The following PROKR1 variants were observed in gnomAD, a reference collection of about 807,000 sequenced individuals.
PROKR1 encodes the protein prokineticin receptor 1, also known as G protein-coupled receptor 73.
In PROKR1, 21 loss-of-function variants were observed where a neutral mutation model predicts 22.8. The ratio of observed to expected loss-of-function variants is 0.92; its 90% confidence interval spans 0.65 to 1.32. The LOEUF is 1.32. Among genes scored for constraint, PROKR1 ranks in the 40% most tolerant of loss-of-function variants. The pLI is 0.00. For missense variants in PROKR1, 548 were observed against 514.2 expected (o/e 1.07, Z -0.64); for synonymous variants, 193 against 207.5 (o/e 0.93, Z 0.60).
At chr2:68,654,630 C>CA (rs965976109) in intron 2 of PROKR1, among the ~76,000 whole-genome samples, 13 of 152,000 alleles carry the variant, frequency 8.6e-5, no homozygotes, top group African/African-American at 3.1e-4. Flanking sequence ...TCTACCTCTA[C>CA]AAAAAATAAA....
chr2:68,650,692 G>A (rs552154749), intron 2 of PROKR1, among the ~76,000 whole-genome samples: 15 of 152,176 alleles, frequency 9.9e-5, no homozygotes, highest in African/African-American at 3.1e-4. Flanking sequence ...AGAGTTGGGG[G>A]TAGGGTGGGA....
intron 2 of PROKR1, among the ~76,000 whole-genome samples, chr2:68,654,046 G>C (rs1673391256): frequency 6.6e-6 from 1 of 152,174 alleles, no homozygotes; most frequent in Non-Finnish European, 1.5e-5. Context: ...ACCTGAAAAT[G>C]ACACACATGG....
In PROKR1 at chr2:68,655,732, C is replaced by T. The variant is rs916019599; in HGVS notation, c.*156C>T. The T allele has an allele frequency of 1.5e-5, 11 of 732,064 alleles. No individual in the cohort carries two copies. The highest frequency in any genetic ancestry group is 2.5e-5 in the Non-Finnish European group (11 of 435,110). The allele number at this position is 732,064 out of a possible 1,614,324, so 45.3% of individuals were successfully genotyped here. A position where few individuals can be genotyped will look rare whatever the true frequency, so the allele number is the denominator to read the frequency against. On this transcript the variant is annotated 3_prime_UTR_variant, in exon 3 of 3. Coordinates refer to ENST00000303786, the MANE Select transcript of PROKR1 (RefSeq NM_138964.4). ...AATGTTTTCAAGGAGCTCAGAGTTT[C>T]TAAAATGCATGTGACCAGACACTAT...
In PROKR1 at chr2:68,646,291, C is replaced by T; in HGVS notation, c.470C>T (p.Ala157Val). The T allele has an allele frequency of 6.2e-7, 1 of 1,614,228 alleles. No homozygotes were observed. The highest frequency in any genetic ancestry group is 8.5e-7 in the Non-Finnish European group (1 of 1,180,052). ...TATGTCTCCACCAATGCCCTGCTGGCCATCGCCATTGACAGGTGAGTGCAG... is the reference window on the plus strand; with the variant it reads ...TATGTCTCCACCAATGCCCTGCTGGTCATCGCCATTGACAGGTGAGTGCAG... ...SLYVSTNALL[A>V]IAIDRYLAIV... The change falls in exon 2 of 3, where the codon GCC becomes GTC. Residue 157 changes from alanine to valine, a missense_variant. By Grantham distance (64) the Ala-to-Val change is moderately conservative. Transcript: ENST00000303786.
In PROKR1 at chr2:68,654,990, A is replaced by G. The variant is rs1253547939; in HGVS notation, c.596A>G (p.Tyr199Cys). The G allele has an allele frequency of 2.5e-6, 4 of 1,597,022 alleles. No homozygotes were observed. The highest frequency in any genetic ancestry group is 2.6e-6 in the Non-Finnish European group (3 of 1,173,542). ...ATCCTGATCGCCATCCCTTCCGCCT[A>G]CTTCACCACCGAGACGGTCCTCGTC... ...VSILIAIPSAYFTTETVLVIV... is the reference protein window; with the variant it reads ...VSILIAIPSACFTTETVLVIV... The change falls in exon 3 of 3, where the codon TAC (tyrosine) becomes TGC (cysteine). Residue 199 changes from tyrosine (Y) to cysteine (C), a missense_variant. Tyr to Cys is a radical substitution (Grantham distance 194). Coordinates refer to ENST00000303786, the MANE Select transcript of PROKR1 (RefSeq NM_138964.4).
chr2:68,646,554 T>C (rs531272255), intron 2 of PROKR1, among the ~76,000 whole-genome samples: 1 of 152,230 alleles, frequency 6.6e-6, no homozygotes, highest in Non-Finnish European at 1.5e-5. Context: ...TGATCTCCCT[T>C]GCTATGGATG....
At chr2:68,648,080 G>GT (rs1309278413) in intron 2 of PROKR1, among the ~76,000 whole-genome samples, 1 of 152,132 alleles carries the variant, frequency 6.6e-6, no homozygotes, top group East Asian at 1.9e-4. Context: ...ATTTCCTGAA[G>GT]TTTCATACTA....
intron 2 of PROKR1, among the ~76,000 whole-genome samples, chr2:68,651,554 G>A (rs1232339474): frequency 5.3e-5 from 8 of 152,168 alleles, no homozygotes. Context: ...CTCTTCTTCT[G>A]TCTTGATGAA....
In PROKR1 at chr2:68,655,935, C is replaced by T; in HGVS notation, c.*359C>T. 4 of 358,948 alleles carry T rather than the reference C, an allele frequency of 1.1e-5. No homozygotes were observed. Among genetic ancestry groups the T allele is most frequent in the South Asian group, 7.0e-5 (3 of 42,596 alleles). The allele number at this position is 358,948 out of a possible 1,614,324, so 22.2% of individuals were successfully genotyped here. On this transcript the variant is annotated 3_prime_UTR_variant, in exon 3 of 3. Transcript: ENST00000303786. ...GAACTGGAGTAGGTATCTAGGATTG[C>T]AGTACATGTGTTCGTAGTGTGAGAG... is the stretch of plus-strand genomic sequence containing the variant.
chr2:68,647,897 G>T (rs1037131027), intron 2 of PROKR1, among the ~76,000 whole-genome samples: 1 of 152,114 alleles, frequency 6.6e-6, no homozygotes, highest in Non-Finnish European at 1.5e-5. Flanking sequence ...CAAGGACCCC[G>T]CATGAACCCA....
Position 68,655,825 on chromosome 2 carries a change from A to G in PROKR1, c.*249A>G. On this transcript the variant is annotated 3_prime_UTR_variant, in exon 3 of 3. Transcript: ENST00000303786. ...GTACTGGTAAAACCTATATATGTTGATGACATTTAGTTGGCAAAATGAAAT... is the reference window on the plus strand; with the variant it reads ...GTACTGGTAAAACCTATATATGTTGGTGACATTTAGTTGGCAAAATGAAAT... 1 of 537,028 alleles carries G rather than the reference A, an allele frequency of 1.9e-6. No homozygotes were observed. The highest frequency in any genetic ancestry group is 2.1e-5 in the South Asian group (1 of 48,368). The allele number at this position is 537,028 out of a possible 1,614,324, so 33.3% of individuals were successfully genotyped here. A position where few individuals can be genotyped will look rare whatever the true frequency, so the allele number is the denominator to read the frequency against.
At chr2:68,645,235 A>G (rs2104178584) in intron 1 of PROKR1, among the ~76,000 whole-genome samples, 1 of 152,344 alleles carries the variant, frequency 6.6e-6, no homozygotes, top group East Asian at 1.9e-4. Flanking sequence ...AAGTCCAGCA[A>G]ATAGTGAGGA....
chr2:68,649,796 T>C (rs1044176078), intron 2 of PROKR1, among the ~76,000 whole-genome samples: 6 of 151,678 alleles, frequency 4.0e-5, no homozygotes, highest in African/African-American at 1.5e-4. Context: ...GGAGCAAGCA[T>C]CCCAGACAAG....
intron 2 of PROKR1, among the ~76,000 whole-genome samples, chr2:68,653,322 A>G (rs945096101): frequency 6.6e-6 from 1 of 152,180 alleles, no homozygotes; most frequent in African/African-American, 2.4e-5. Flanking sequence ...ATCTGGGGCT[A>G]GAAGAGCTGG....
At position 68,646,184 on chromosome 2, in the gene PROKR1, C is replaced by CTACT. The variant is rs1673174088; in HGVS notation, c.364_367dup (p.Tyr123LeufsTer40). 4 of 1,608,668 alleles carry CTACT rather than the reference C, an allele frequency of 2.5e-6. No individual in the cohort carries two copies. Among genetic ancestry groups the CTACT allele is most frequent in the Non-Finnish European group, 3.4e-6 (4 of 1,176,814 alleles). On this transcript the variant is annotated frameshift_variant, in exon 2 of 3. Coordinates refer to ENST00000303786, the MANE Select transcript of PROKR1 (RefSeq NM_138964.4). LOFTEE classifies it high-confidence loss of function. ...TTGTCTGCTGCCCCTTTGAGATGGA[C>CTACT]TACTATGTGGTGCGCCAGCTCTCCT...
At position 68,655,075 on chromosome 2, in the gene PROKR1, C is replaced by G. The variant is rs1251815166; in HGVS notation, c.681C>G (p.Leu227=). The change falls in exon 3 of 3, where the codon CTC becomes CTG. Residue 227 remains leucine, a synonymous_variant. Transcript: ENST00000303786. ...AGATCTGGCCTGTGGACCAGCAGCT[C>G]TACTACAAGTCCTACTTCCTCTTTA... ...CGQIWPVDQQ[L]YYKSYFLFIF... The G allele has an allele frequency of 1.2e-6, 2 of 1,614,120 alleles. No individual in the cohort carries two copies. The highest frequency in any genetic ancestry group is 3.3e-5 in the Admixed American group (2 of 60,030).
At chr2:68,648,119 A>G (rs959586039) in intron 2 of PROKR1, among the ~76,000 whole-genome samples, 17 of 152,164 alleles carry the variant, frequency 1.1e-4, no homozygotes, top group African/African-American at 3.9e-4. Context: ...TCAGCTACTA[A>G]AAGCAGGGTA....
At chr2:68,644,898 C>T (rs942369208) in intron 1 of PROKR1, among the ~76,000 whole-genome samples, 1 of 152,108 alleles carries the variant, frequency 6.6e-6, no homozygotes, top group African/African-American at 2.4e-5. Flanking sequence ...GGATTTCGCT[C>T]CCCTTCCTTG....
chr2:68,646,409 T>G, intron 2 of PROKR1, 103 bp downstream of exon 2: 1 of 1,510,694 alleles, frequency 6.6e-7, no homozygotes, highest in Non-Finnish European at 9.1e-7. Flanking sequence ...GAGGTGTCTC[T>G]ATTCCCCCTA....
Sources: allele counts gnomAD v4.1 joint callset (sites outside exome capture counted in the v4.1 genomes callset), GRCh38; gene constraint gnomAD v4.1.1; transcripts MANE v1.5; gene names NCBI Gene and HGNC (gene_info 2026-07-23, HGNC 2026-07-21).